The following ZBTB7C variants were observed in gnomAD, a reference collection of about 807,000 sequenced individuals.
ZBTB7C encodes the protein zinc finger and BTB domain-containing protein 7C.
In ZBTB7C, 8 loss-of-function variants were observed where a neutral mutation model predicts 25.7. That is an observed-to-expected ratio of 0.31 (90% CI 0.18 to 0.56). The LOEUF is 0.56. ZBTB7C is among the 20% of genes least tolerant of loss of function. The pLI, the probability that ZBTB7C is intolerant of heterozygous loss-of-function variation, is 0.91. For synonymous variants in ZBTB7C, 394 were observed against 369.0 expected (o/e 1.07, Z -0.78); for missense variants, 824 against 855.2 (o/e 0.96, Z 0.46).
chr18:48,404,642 A>G (rs1479978021), intron 1 of ZBTB7C, among the ~76,000 whole-genome samples: 1 of 152,178 alleles, frequency 6.6e-6, no homozygotes, highest in African/African-American at 2.4e-5. Flanking sequence ...GGGGCCAATC[A>G]ACTTGGCCCC....
intron 2 of ZBTB7C, among the ~76,000 whole-genome samples, chr18:48,301,083 T>C (rs138303934): frequency 7.9e-5 from 12 of 152,322 alleles, no homozygotes; most frequent in African/African-American, 2.9e-4. Flanking sequence ...CCCAGGCACC[T>C]GTGACAGATG....
At chr18:48,043,098 G>C (rs1480654518) in intron 3 of ZBTB7C, among the ~76,000 whole-genome samples, 3 of 152,212 alleles carry the variant, frequency 2.0e-5, no homozygotes, top group African/African-American at 7.2e-5. Context: ...CCGAATGCTG[G>C]TGAGGATGTG....
chr18:48,191,624 T>A (rs1281217864), intron 2 of ZBTB7C, among the ~76,000 whole-genome samples: 1 of 152,166 alleles, frequency 6.6e-6, no homozygotes, highest in Non-Finnish European at 1.5e-5. Flanking sequence ...GCTGACCACA[T>A]TCCTGGAGAA....
At chr18:48,109,001 T>G (rs1228799999) in intron 3 of ZBTB7C, among the ~76,000 whole-genome samples, 1 of 152,160 alleles carries the variant, frequency 6.6e-6, no homozygotes, top group Non-Finnish European at 1.5e-5. Flanking sequence ...AACAAAGCCC[T>G]GGCAGGAGAC....
At chr18:48,112,201 GGAGT>G (rs1285818071) in intron 3 of ZBTB7C, among the ~76,000 whole-genome samples, 1 of 151,284 alleles carries the variant, frequency 6.6e-6, no homozygotes, top group African/African-American at 2.4e-5. Context: ...AAAAATGTGT[GGAGT>G]AATATATATT....
intron 2 of ZBTB7C, among the ~76,000 whole-genome samples, chr18:48,266,866 C>T (rs970968122): frequency 6.6e-6 from 1 of 151,426 alleles, no homozygotes; most frequent in Non-Finnish European, 1.5e-5. Flanking sequence ...TTATGAGTAT[C>T]ATTTCAGGCT....
intron 2 of ZBTB7C, among the ~76,000 whole-genome samples, chr18:48,259,861 G>A (rs145864476): frequency 8.5e-5 from 13 of 152,244 alleles, no homozygotes; most frequent in East Asian, 3.9e-4. Context: ...CTGCAAATAC[G>A]AAATGTCGAG....
intron 2 of ZBTB7C, among the ~76,000 whole-genome samples, chr18:48,227,246 G>A (rs1268063064): frequency 1.3e-5 from 2 of 152,162 alleles, no homozygotes; most frequent in Non-Finnish European, 2.9e-5. Flanking sequence ...TGAAAAAGAT[G>A]CCACTGTGTC....
intron 1 of ZBTB7C, among the ~76,000 whole-genome samples, chr18:48,371,825 T>C (rs1030940801): frequency 3.9e-5 from 6 of 152,182 alleles, no homozygotes; most frequent in Non-Finnish European, 7.3e-5. Flanking sequence ...CCCTGGAAGG[T>C]AGGCCATTAA....
At chr18:48,127,855 C>T (rs535101418) in intron 3 of ZBTB7C, among the ~76,000 whole-genome samples, 1 of 152,238 alleles carries the variant, frequency 6.6e-6, no homozygotes, top group African/African-American at 2.4e-5. Context: ...GCTGTCCCCT[C>T]GGCAGGGAGC....
chr18:48,126,402 C>G (rs11082651), intron 3 of ZBTB7C, among the ~76,000 whole-genome samples: 36,132 of 152,018 alleles, frequency 0.24, 5,245 homozygotes, highest in African/African-American at 0.41. Context: ...ATGAGAGCGG[C>G]GCTCTGAGGA....
At chr18:48,349,764 C>T (rs752565652) in intron 1 of ZBTB7C, among the ~76,000 whole-genome samples, 12 of 152,132 alleles carry the variant, frequency 7.9e-5, no homozygotes, top group Non-Finnish European at 1.5e-4. Context: ...CCTAGAAATT[C>T]CACATTTAAC....
intron 2 of ZBTB7C, among the ~76,000 whole-genome samples, chr18:48,321,057 G>C (rs1186471026): frequency 1.3e-5 from 2 of 152,226 alleles, no homozygotes; most frequent in African/African-American, 4.8e-5. Context: ...AAATCACCTA[G>C]AGAAATTCAT....
intron 2 of ZBTB7C, among the ~76,000 whole-genome samples, chr18:48,296,007 C>T (rs2045377599): frequency 6.6e-6 from 1 of 152,242 alleles, no homozygotes; most frequent in Non-Finnish European, 1.5e-5. Flanking sequence ...AAATCCCTCC[C>T]TTCCACTGGT....
intron 3 of ZBTB7C, among the ~76,000 whole-genome samples, chr18:48,089,806 A>G (rs1598857927): frequency 6.6e-6 from 1 of 152,304 alleles, no homozygotes; most frequent in South Asian, 2.1e-4. Context: ...CAAACAAACA[A>G]ACAAACAAAC....
At chr18:48,349,069 A>G (rs2145026749) in intron 1 of ZBTB7C, among the ~76,000 whole-genome samples, 1 of 152,324 alleles carries the variant, frequency 6.6e-6, no homozygotes, top group African/African-American at 2.4e-5. Flanking sequence ...AGTAGGGGCC[A>G]CAGGGTCAAG....
At chr18:48,076,482 T>C (rs1003949285) in intron 3 of ZBTB7C, among the ~76,000 whole-genome samples, 3 of 152,206 alleles carry the variant, frequency 2.0e-5, no homozygotes, top group Non-Finnish European at 4.4e-5. Context: ...ATCCAGGCTA[T>C]ATCTAGGACA....
At chr18:48,162,241 C>G in intron 3 of ZBTB7C, 1 of 413,852 alleles carries the variant, frequency 2.4e-6, no homozygotes, top group Non-Finnish European at 5.0e-6. Flanking sequence ...CAGCCTTCTA[C>G]CTTCTACCGG....
intron 1 of ZBTB7C, among the ~76,000 whole-genome samples, chr18:48,382,484 C>T (rs1168899508): frequency 6.6e-6 from 1 of 152,172 alleles, no homozygotes; most frequent in African/African-American, 2.4e-5. Flanking sequence ...GTGAAGTTGT[C>T]GACAGCTACT....
Sources: gnomAD v4.1 joint callset for allele counts (sites outside exome capture counted in the v4.1 genomes callset) on GRCh38, gnomAD v4.1.1 for gene constraint, MANE v1.5 for transcripts, NCBI Gene and HGNC (gene_info 2026-07-23, HGNC 2026-07-21) for gene names.